SUCLA2: variants seen among roughly 807,000 people sequenced by gnomAD.
SUCLA2 encodes the protein succinate-CoA ligase ADP-forming subunit beta, also known as succinate--CoA ligase [ADP-forming] subunit beta, mitochondrial.
Under a neutral mutation model 54.8 loss-of-function variants are expected in SUCLA2, and 30 were observed. That is an observed-to-expected ratio of 0.55 (90% confidence interval 0.41 to 0.74). The LOEUF (loss-of-function observed/expected upper bound fraction) is 0.74. Among genes scored for constraint, SUCLA2 ranks in the 30% least tolerant of loss-of-function variants. SUCLA2 has a pLI of 0.00. For missense variants in SUCLA2, 476 were observed against 562.9 expected, an observed-to-expected ratio of 0.85 and a Z score of 1.56; for synonymous variants, 172 against 188.9, an observed-to-expected ratio of 0.91 and a Z score of 0.74.
At chr13:47,974,659 G>A (rs979860897) in intron 4 of SUCLA2, among the ~76,000 whole-genome samples, 5 of 152,234 alleles carry the variant, frequency 3.3e-5, no homozygotes, top group African/African-American at 7.2e-5. Flanking sequence ...CTATTGTCAT[G>A]AACAATATGA....
At chr13:47,948,223 G>A (rs1949749019) in intron 10 of SUCLA2, among the ~76,000 whole-genome samples, 2 of 152,258 alleles carry the variant, frequency 1.3e-5, no homozygotes, top group South Asian at 4.2e-4. Context: ...AGATTGGGCA[G>A]GAGCTGACCG....
rs192922699 is a variant in SUCLA2 at position 47,959,427 on chromosome 13, G to A, written c.803-4870C>T. On this transcript the variant is annotated intron_variant, in intron 6 of 10. Transcript: ENST00000646932. ...AAGAAGAAGGGAGAGGGAGAAGGAG[G>A]AGGGAGAAGGAGGAGGAGGGGGAGG... Among the ~76,000 whole-genome samples, 1,267 of 142,552 alleles carry A rather than the reference G, an allele frequency of 8.9e-3. 26 individuals carry two copies. The highest frequency in any genetic ancestry group is 0.031 in the African/African-American group (1,178 of 38,614). 93.5% of individuals were successfully genotyped at this position (142,552 alleles called of 152,430 possible).
chr13:47,964,518 A>G (rs2137709048), intron 6 of SUCLA2, among the ~76,000 whole-genome samples: 1 of 152,378 alleles, frequency 6.6e-6, no homozygotes, highest in African/African-American at 2.4e-5. Context: ...GCTAACAATA[A>G]TGAACCAATG....
intron 4 of SUCLA2, among the ~76,000 whole-genome samples, chr13:47,979,767 G>T (rs1183398321): frequency 1.3e-5 from 2 of 152,106 alleles, no homozygotes; most frequent in Non-Finnish European, 2.9e-5. Flanking sequence ...CACAGCACTA[G>T]ATGTCCTAGA....
chr13:48,000,589 C>G (rs1014971688), intron 1 of SUCLA2, among the ~76,000 whole-genome samples: 12 of 152,178 alleles, frequency 7.9e-5, no homozygotes, highest in African/African-American at 2.9e-4. Flanking sequence ...TAAGGCTATA[C>G]AAAAGATTAT....
Position 47,949,590 on chromosome 13 carries a change from A to G in SUCLA2, c.1121T>C (p.Leu374Pro), listed in dbSNP as rs747728088. 1.9e-6 allele frequency: 3 copies of G among 1,613,492 alleles called. No homozygotes were observed. The highest frequency in any genetic ancestry group is 1.7e-6 in the Non-Finnish European group (2 of 1,179,590). The change falls in exon 9 of 11, where the codon CTG becomes CCG. Residue 374 changes from leucine (L) to proline (P), a missense_variant. Coordinates refer to ENST00000646932, the MANE Select transcript of SUCLA2 (RefSeq NM_003850.3). ...CATGATTCCTCCAAAAATGTTGACCAGAATAGCCAGTACCTATGAATAAAG... is the reference window on the plus strand; with the variant it reads ...CATGATTCCTCCAAAAATGTTGACCGGAATAGCCAGTACCTATGAATAAAG... Reference protein sequence around the residue: ...ITSDKKVLAILVNIFGGIMRC... With the variant: ...ITSDKKVLAIPVNIFGGIMRC...
Position 47,969,611 on chromosome 13 carries a change from T to C in SUCLA2, c.664-878A>G, listed in dbSNP as rs541036350. 5.9e-5 allele frequency among the ~76,000 whole-genome samples: 9 copies of C among 152,370 alleles called. No individual in the cohort carries two copies. In the South Asian group the frequency reaches 1.9e-3, roughly 32 times the overall value. On this transcript the variant is annotated intron_variant, in intron 5 of 10. Transcript: ENST00000646932. Reference sequence around the variant, plus strand: ...AATTCTGAACCACTGGTACAGAGGATACATGTCTATGTGTTTATTCTAACA... The same window carrying C: ...AATTCTGAACCACTGGTACAGAGGACACATGTCTATGTGTTTATTCTAACA...
intron 5 of SUCLA2, chr13:47,972,112 G>A (rs188838542): frequency 1.4e-5 from 5 of 351,672 alleles, no homozygotes; most frequent in East Asian, 4.0e-5. Context: ...AAAATTAGCC[G>A]GGCATGGTGA....
Position 47,954,560 on chromosome 13 carries a change from T to C in SUCLA2, c.803-3A>G. On this transcript the variant is annotated splice_polypyrimidine_tract_variant and splice_region_variant and intron_variant, in intron 6 of 10. Transcript: ENST00000646932. ...GATCTTTGCATCCATACACAATACT[T>C]TGAAGGGAAAAAGAGAAAAATGACC... The C allele has an allele frequency of 2.5e-6, 4 of 1,613,012 alleles. No homozygotes were observed. The highest frequency in any genetic ancestry group is 3.4e-6 in the Non-Finnish European group (4 of 1,179,302).
Position 47,988,914 on chromosome 13 carries a change from A to C in SUCLA2, c.339T>G (p.Ser113Arg). 6.2e-7 allele frequency: 1 copy of C among 1,613,280 alleles called. No homozygotes were observed. Among genetic ancestry groups the C allele is most frequent in the Non-Finnish European group, 8.5e-7 (1 of 1,179,968 alleles). ...AGGRGKGTFESGLKGGVKIVF... is the reference protein window; with the variant it reads ...AGGRGKGTFERGLKGGVKIVF... ...CTATCTTCACTCCTCCTTTGAGGCCACTTTCAAATGTTCCTTTTCCTCTAC... is the reference window on the plus strand; with the variant it reads ...CTATCTTCACTCCTCCTTTGAGGCCCCTTTCAAATGTTCCTTTTCCTCTAC... The change falls in exon 3 of 11, where the codon AGT becomes AGG. Residue 113 changes from serine to arginine, a missense_variant. By Grantham distance (110) the Ser-to-Arg change is moderately radical. Transcript: ENST00000646932.
chr13:47,970,110 A>C (rs201556516), intron 5 of SUCLA2, among the ~76,000 whole-genome samples: 29 of 13,854 alleles, frequency 2.1e-3, no homozygotes, highest in Middle Eastern at 0.033. Flanking sequence ...TCCCCCCCAC[A>C]AAAAAAAAAA....
At chr13:47,944,414 T>C (rs542691187) in intron 10 of SUCLA2, among the ~76,000 whole-genome samples, 1 of 152,196 alleles carries the variant, frequency 6.6e-6, no homozygotes, top group Non-Finnish European at 1.5e-5. Context: ...CTGTTCACTT[T>C]TACCTCTCAT....
At chr13:47,960,584 T>C (rs1949862583) in intron 6 of SUCLA2, among the ~76,000 whole-genome samples, 1 of 152,188 alleles carries the variant, frequency 6.6e-6, no homozygotes, top group Non-Finnish European at 1.5e-5. Flanking sequence ...AAAGTTTTAA[T>C]GTTCAGAAAA....
chr13:47,948,396 C>T (rs562970554), intron 10 of SUCLA2, among the ~76,000 whole-genome samples: 25 of 151,732 alleles, frequency 1.6e-4, no homozygotes, highest in Admixed American at 1.5e-3. Context: ...TGTGTGCGCA[C>T]ATGTGTGAAG....
chr13:47,976,295 A>T (rs937552150), intron 4 of SUCLA2, among the ~76,000 whole-genome samples: 1 of 152,196 alleles, frequency 6.6e-6, no homozygotes, highest in South Asian at 2.1e-4. Flanking sequence ...ACCCCAGGTA[A>T]GCTCAAAGCC....
At chr13:47,976,030 T>C (rs757229167) in intron 4 of SUCLA2, among the ~76,000 whole-genome samples, 9 of 152,140 alleles carry the variant, frequency 5.9e-5, no homozygotes, top group Non-Finnish European at 1.3e-4. Context: ...GAGGACTGCT[T>C]GAGTCTGGGA....
At position 47,988,915 on chromosome 13, in the gene SUCLA2, C is replaced by T. The variant is rs767939956; in HGVS notation, c.338G>A (p.Ser113Asn). The change falls in exon 3 of 11, where the codon AGT becomes AAT. Residue 113 changes from serine (S) to asparagine (N), a missense_variant. Around this residue, in one of 2 missense-constraint regions of SUCLA2, gnomAD observed 342 missense variants for 444.2 expected, o/e 0.77. Coordinates refer to ENST00000646932, the MANE Select transcript of SUCLA2 (RefSeq NM_003850.3). ...TATCTTCACTCCTCCTTTGAGGCCA[C>T]TTTCAAATGTTCCTTTTCCTCTACC... ...AGGRGKGTFE[S>N]GLKGGVKIVF... 1.3e-5 allele frequency: 21 copies of T among 1,613,270 alleles called. No homozygotes were observed. Among genetic ancestry groups the T allele is most frequent in the African/African-American group, 2.7e-5 (2 of 75,024 alleles).
chr13:47,961,551 A>T (rs1949871460), intron 6 of SUCLA2, among the ~76,000 whole-genome samples: 3 of 152,154 alleles, frequency 2.0e-5, no homozygotes, highest in African/African-American at 7.2e-5. Context: ...AGGTTCCCTG[A>T]CATCCAAGAG....
intron 10 of SUCLA2, among the ~76,000 whole-genome samples, chr13:47,943,728 A>T (rs1949704149): frequency 6.9e-6 from 1 of 144,670 alleles, no homozygotes. Flanking sequence ...TGTGTGTATA[A>T]AATGTGTGTG....
Sources: allele counts gnomAD v4.1 joint callset (sites outside exome capture counted in the v4.1 genomes callset), GRCh38; gene constraint gnomAD v4.1.1; regional missense constraint gnomAD v4.1.1; transcripts MANE v1.5; gene names NCBI Gene and HGNC (gene_info 2026-07-23, HGNC 2026-07-21).